PLEKHA5: variants seen among roughly 807,000 people sequenced by gnomAD.
PLEKHA5 encodes pleckstrin homology domain-containing family A member 5.
A neutral mutation model predicts 181.9 loss-of-function variants in PLEKHA5; 55 were observed. The observed-to-expected ratio is 0.30, with a 90% CI of 0.24 to 0.38. The LOEUF (loss-of-function observed/expected upper bound fraction) is 0.38, where lower values mean the gene tolerates loss of function less well. Ranked by LOEUF, PLEKHA5 falls within the 10% of genes least tolerant of loss-of-function variation. The pLI is 1.00. For synonymous variants in PLEKHA5, 535 were observed against 529.4 expected (o/e 1.01, Z -0.15); for missense variants, 1,432 against 1,549.5 (o/e 0.92, Z 1.27).
At chr12:19,331,203 T>G (rs1315542019) in intron 20 of PLEKHA5, among the ~76,000 whole-genome samples, 1 of 152,236 alleles carries the variant, frequency 6.6e-6, no homozygotes, top group Non-Finnish European at 1.5e-5. Flanking sequence ...AGAGGCAATG[T>G]GACAGCAAAA....
At chr12:19,210,422 A>G (rs2056672490) in intron 3 of PLEKHA5, among the ~76,000 whole-genome samples, 1 of 152,184 alleles carries the variant, frequency 6.6e-6, no homozygotes, top group Non-Finnish European at 1.5e-5. Flanking sequence ...ATTAGTTGTC[A>G]TTTAACATGA....
At chr12:19,339,920 CA>C (rs1182050801) in intron 21 of PLEKHA5, among the ~76,000 whole-genome samples, 3 of 151,838 alleles carry the variant, frequency 2.0e-5, no homozygotes, top group Non-Finnish European at 4.4e-5. Context: ...AATAAATAAA[CA>C]AGGAAACATA....
chr12:19,294,825 A>C (rs1001644944), intron 15 of PLEKHA5, among the ~76,000 whole-genome samples: 6 of 152,198 alleles, frequency 3.9e-5, no homozygotes, highest in Non-Finnish European at 7.4e-5. Context: ...AGGCAATCCA[A>C]AAATCTTGAC....
intron 3 of PLEKHA5, among the ~76,000 whole-genome samples, chr12:19,230,408 G>T (rs2060332682): frequency 6.6e-6 from 1 of 152,180 alleles, no homozygotes; most frequent in South Asian, 2.1e-4. Context: ...TCGCAGAGCG[G>T]GGGCGGTGCT....
At chr12:19,320,653 G>A (rs759670412) in intron 18 of PLEKHA5, 29 bp downstream of exon 18, 1 of 996,528 alleles carries the variant, frequency 1.0e-6, no homozygotes, top group Non-Finnish European at 1.5e-6. Flanking sequence ...TATGTGGTCA[G>A]TACTCTGTCG....
chr12:19,190,240 G>A (rs1200805169), intron 3 of PLEKHA5, among the ~76,000 whole-genome samples: 1 of 152,164 alleles, frequency 6.6e-6, no homozygotes, highest in Non-Finnish European at 1.5e-5. Flanking sequence ...AGAAATACTG[G>A]TTTAAAGCTA....
At chr12:19,138,273 T>G (rs1158001855) in intron 3 of PLEKHA5, among the ~76,000 whole-genome samples, 1 of 151,566 alleles carries the variant, frequency 6.6e-6, no homozygotes, top group East Asian at 1.9e-4. Flanking sequence ...TAAGTTAGAG[T>G]TAATGGTGTA....
chr12:19,358,358 T>C lies in PLEKHA5; in HGVS notation c.3269T>C (p.Leu1090Ser), dbSNP rs778382864. 3 of 1,613,944 alleles carry C rather than the reference T, an allele frequency of 1.9e-6. No individual in the cohort carries two copies. In the East Asian group the frequency reaches 6.7e-5, roughly 36 times the overall value. ...QACLREKKKG[L>S]NVIGASDQSP... ...TGCCTGAGGGAGAAGAAAAAAGGGT[T>C]AAATGTTATCGGTGCTTCAGACCAG... Residue 1090 changes from leucine (L) to serine (S), a missense_variant, in exon 27 of 32, where the codon TTA becomes TCA. Around this residue, in one of 2 missense-constraint regions of PLEKHA5, gnomAD observed 1,143 missense variants for 1,168.4 expected, o/e 0.98. Transcript: ENST00000429027.
chr12:19,232,896 C>T (rs1258228198), intron 3 of PLEKHA5, among the ~76,000 whole-genome samples: 1 of 152,062 alleles, frequency 6.6e-6, no homozygotes, highest in African/African-American at 2.4e-5. Flanking sequence ...ATACCCATGT[C>T]GATTGTCTTC....
intron 20 of PLEKHA5, among the ~76,000 whole-genome samples, chr12:19,333,188 G>A (rs10770475): frequency 0.8 from 122,300 of 151,940 alleles, 50,709 homozygotes; most frequent in Non-Finnish European, 0.91. Context: ...GGGAGCCTGA[G>A]GCAGGCGAAT....
chr12:19,372,285 C>A (rs774899912), intron 31 of PLEKHA5: 1 of 152,172 alleles, frequency 6.6e-6, no homozygotes, highest in African/African-American at 2.4e-5. Flanking sequence ...CCACTGCACC[C>A]GGCCAATTAT....
chr12:19,175,869 A>C (rs115382335), intron 3 of PLEKHA5, among the ~76,000 whole-genome samples: 143 of 152,344 alleles, frequency 9.4e-4, no homozygotes, highest in African/African-American at 3.3e-3. Context: ...AGATACAATT[A>C]AAGTATATTG....
intron 30 of PLEKHA5, among the ~76,000 whole-genome samples, 198 bp downstream of exon 30, chr12:19,366,307 G>C (rs1407973801): frequency 1.3e-5 from 2 of 152,092 alleles, no homozygotes; most frequent in Non-Finnish European, 2.9e-5. Context: ...TCAACACATT[G>C]GCTTTGGTTT....
intron 12 of PLEKHA5, 28 bp from the exon 13 acceptor site, chr12:19,287,445 G>T: frequency 7.0e-7 from 1 of 1,434,332 alleles, no homozygotes; most frequent in Non-Finnish European, 9.7e-7. Context: ...CTTTACCACA[G>T]AATTACATTG....
Position 19,366,110 on chromosome 12 carries a change from G to T in PLEKHA5, c.3754+1G>T. On this transcript the variant is annotated splice_donor_variant, in intron 30 of 31. Coordinates refer to ENST00000429027, the MANE Select transcript of PLEKHA5 (RefSeq NM_001256470.2). LOFTEE classifies it high-confidence loss of function. ...TCTAGAGGAAATCAAACAATGGCAGGTAGGTAGTATACACTTCATAATTTT... is the reference window on the plus strand; with the variant it reads ...TCTAGAGGAAATCAAACAATGGCAGTTAGGTAGTATACACTTCATAATTTT... The T allele has an allele frequency of 6.2e-7, 1 of 1,608,234 alleles. No individual in the cohort carries two copies. Among genetic ancestry groups the T allele is most frequent in the Non-Finnish European group, 8.5e-7 (1 of 1,176,548 alleles).
intron 3 of PLEKHA5, among the ~76,000 whole-genome samples, chr12:19,141,166 C>A (rs2037154645): frequency 6.6e-6 from 1 of 151,668 alleles, no homozygotes; most frequent in African/African-American, 2.4e-5. Context: ...CTGCTTTCCA[C>A]CCCTCCCCCC....
At chr12:19,318,846 T>C (rs552370918) in intron 16 of PLEKHA5, among the ~76,000 whole-genome samples, 3 of 152,088 alleles carry the variant, frequency 2.0e-5, no homozygotes, top group African/African-American at 7.2e-5. Flanking sequence ...ACTTGAACCC[T>C]GGAGGCAGAG....
intron 15 of PLEKHA5, among the ~76,000 whole-genome samples, chr12:19,301,190 T>C (rs1288373067): frequency 1.3e-5 from 2 of 152,142 alleles, no homozygotes; most frequent in African/African-American, 4.8e-5. Flanking sequence ...AGAATAGATT[T>C]ATCCATGGCA....
In PLEKHA5 at chr12:19,288,141, C is replaced by T. The variant is rs193052756; in HGVS notation, c.1863+585C>T. 4.2e-3 allele frequency: 1,257 copies of T among 300,156 alleles called. 6 individuals carry two copies. The highest frequency in any genetic ancestry group is 6.8e-3 in the East Asian group (73 of 10,760). The allele number at this position is 300,156 out of a possible 1,614,324, so 18.6% of individuals were successfully genotyped here. On this transcript the variant is annotated intron_variant, in intron 13 of 31. Transcript: ENST00000429027. ...CTAGGTGGGTTTCTTTACTTTCATT[C>T]CCTTATCCTTAAAACAGAAGTTGCA...
Sources: allele counts gnomAD v4.1 joint callset (sites outside exome capture counted in the v4.1 genomes callset), GRCh38; gene constraint gnomAD v4.1.1; regional missense constraint gnomAD v4.1.1; transcripts MANE v1.5; gene names NCBI Gene and HGNC (gene_info 2026-07-23, HGNC 2026-07-21).